Variants in ST8SIA6 observed in about 807,000 individuals in gnomAD.
The protein encoded by ST8SIA6 is alpha-2,8-sialyltransferase 8F.
Under a neutral mutation model 33.6 loss-of-function variants are expected in ST8SIA6, and 39 were observed. The observed-to-expected ratio is 1.16, with a 90% CI of 0.90 to 1.52. The LOEUF (loss-of-function observed/expected upper bound fraction) is 1.52, where lower values mean the gene tolerates loss of function less well. Among genes scored for constraint, ST8SIA6 ranks in the 40% most tolerant of loss-of-function variants. ST8SIA6 has a pLI of 0.00. For missense variants in ST8SIA6, 441 were observed against 443.8 expected (o/e 0.99, Z 0.06); for synonymous variants, 172 against 167.2 (o/e 1.03, Z -0.22).
chr10:17,441,583 A>G (rs1852496433), intron 2 of ST8SIA6, among the ~76,000 whole-genome samples: 2 of 152,146 alleles, frequency 1.3e-5, no homozygotes, highest in South Asian at 4.1e-4. Flanking sequence ...TGCTGGGATT[A>G]CAGGCGTGCA....
At chr10:17,447,662 T>G (rs1852768256) in intron 2 of ST8SIA6, among the ~76,000 whole-genome samples, 1 of 152,110 alleles carries the variant, frequency 6.6e-6, no homozygotes, top group African/African-American at 2.4e-5. Context: ...ATCTAAATAG[T>G]ACTAGGTTGT....
rs575840143 is a variant in ST8SIA6 at position 17,332,401 on chromosome 10, C to T, written c.378-849G>A. Among the ~76,000 whole-genome samples, 29 of 152,296 alleles carry T rather than the reference C, an allele frequency of 1.9e-4. No homozygotes were observed. In the Middle Eastern group the frequency reaches 0.014, roughly 71 times the overall value. On this transcript the variant is annotated intron_variant, in intron 4 of 7. Coordinates refer to ENST00000377602, the MANE Select transcript of ST8SIA6 (RefSeq NM_001004470.3). ...TCCACAATGGTTGAACTAATTTACA[C>T]TCCCACCAACAGTGTAAAAGCATTC...
chr10:17,442,751 T>C (rs1390512296), intron 2 of ST8SIA6, among the ~76,000 whole-genome samples: 1 of 152,198 alleles, frequency 6.6e-6, no homozygotes, highest in Non-Finnish European at 1.5e-5. Context: ...ACTCTGCAGG[T>C]TTAAATCATC....
intron 2 of ST8SIA6, among the ~76,000 whole-genome samples, chr10:17,446,049 A>T (rs866287806): frequency 6.6e-6 from 1 of 151,752 alleles, no homozygotes; most frequent in African/African-American, 2.4e-5. Context: ...AAAAAAAAAA[A>T]CTCAAACTTT....
intron 4 of ST8SIA6, among the ~76,000 whole-genome samples, chr10:17,342,257 A>C (rs1376992111): frequency 6.6e-6 from 1 of 152,178 alleles, no homozygotes; most frequent in Non-Finnish European, 1.5e-5. Flanking sequence ...GCCCTCTGGG[A>C]GCTTACGTGT....
chr10:17,328,178 A>T (rs1435564984), intron 5 of ST8SIA6, among the ~76,000 whole-genome samples: 5 of 152,222 alleles, frequency 3.3e-5, no homozygotes, highest in Non-Finnish European at 7.3e-5. Flanking sequence ...ATTCTAAGGC[A>T]TAAAATTAAT....
intron 2 of ST8SIA6, among the ~76,000 whole-genome samples, chr10:17,431,568 G>T (rs991343172): frequency 1.3e-5 from 2 of 152,042 alleles, no homozygotes; most frequent in Non-Finnish European, 2.9e-5. Flanking sequence ...CGCAGAGCCC[G>T]CTGGAAAAAC....
rs1250779817 is a variant in ST8SIA6, at chr10:17,317,285, G to A, written c.*3593C>T. 6.6e-6 allele frequency among the ~76,000 whole-genome samples: 1 copy of A among 152,130 alleles called. No homozygotes were observed. Among genetic ancestry groups the A allele is most frequent in the Non-Finnish European group, 1.5e-5 (1 of 68,012 alleles). ...TAAAAAGAAGAATGCTTCTGGAAGA[G>A]TGATGACCCAAAATAAGAAAGACCA... On this transcript the variant is annotated 3_prime_UTR_variant, in exon 8 of 8. Transcript: ENST00000377602.
At chr10:17,395,525 T>G (rs1267913912) in intron 2 of ST8SIA6, among the ~76,000 whole-genome samples, 1 of 152,170 alleles carries the variant, frequency 6.6e-6, no homozygotes, top group African/African-American at 2.4e-5. Flanking sequence ...GAATTCTGTT[T>G]CTGTGAATTC....
At chr10:17,345,741 A>T (rs2131602081) in intron 4 of ST8SIA6, among the ~76,000 whole-genome samples, 1 of 152,264 alleles carries the variant, frequency 6.6e-6, no homozygotes, top group East Asian at 1.9e-4. Context: ...GAAGGGTCTT[A>T]TTTATGGAAG....
intron 2 of ST8SIA6, among the ~76,000 whole-genome samples, chr10:17,412,693 G>A (rs1177115899): frequency 6.7e-6 from 1 of 150,098 alleles, no homozygotes; most frequent in African/African-American, 2.4e-5. Context: ...TTACAGGAAT[G>A]GGTAAATATC....
At chr10:17,335,891 T>C (rs575578299) in intron 4 of ST8SIA6, among the ~76,000 whole-genome samples, 1 of 152,304 alleles carries the variant, frequency 6.6e-6, no homozygotes, top group South Asian at 2.1e-4. Flanking sequence ...TCAAGAATAT[T>C]GCATCACCAA....
chr10:17,398,084 T>C (rs957236238), intron 2 of ST8SIA6, among the ~76,000 whole-genome samples: 25 of 152,196 alleles, frequency 1.6e-4, no homozygotes, highest in Non-Finnish European at 3.4e-4. Flanking sequence ...CCCAGCACTT[T>C]GGGAGGCTGC....
chr10:17,393,070 G>A (rs1850675553), intron 2 of ST8SIA6, among the ~76,000 whole-genome samples: 1 of 152,202 alleles, frequency 6.6e-6, no homozygotes, highest in African/African-American at 2.4e-5. Context: ...ACAAAAAAGT[G>A]GAGGAAGGGT....
chr10:17,447,721 T>C (rs529658986), intron 2 of ST8SIA6, among the ~76,000 whole-genome samples: 2 of 152,304 alleles, frequency 1.3e-5, no homozygotes, highest in East Asian at 3.9e-4. Context: ...TAGGAAAAAG[T>C]GTATAATAAA....
At chr10:17,345,142 C>T (rs985928394) in intron 4 of ST8SIA6, among the ~76,000 whole-genome samples, 1 of 152,072 alleles carries the variant, frequency 6.6e-6, no homozygotes, top group African/African-American at 2.4e-5. Flanking sequence ...CTACTATATA[C>T]CTCTGAGGCA....
chr10:17,390,424 G>T, intron 3 of ST8SIA6, 107 bp downstream of exon 3: 1 of 952,476 alleles, frequency 1.0e-6, no homozygotes. Context: ...TGGTAAGCCT[G>T]AGAGTGAACA....
At chr10:17,396,926 A>T (rs776139052) in intron 2 of ST8SIA6, among the ~76,000 whole-genome samples, 1 of 152,210 alleles carries the variant, frequency 6.6e-6, no homozygotes, top group Non-Finnish European at 1.5e-5. Flanking sequence ...CAACTCACTT[A>T]GTACCTGGCT....
chr10:17,439,691 G>A (rs919422795), intron 2 of ST8SIA6, among the ~76,000 whole-genome samples: 2 of 152,124 alleles, frequency 1.3e-5, no homozygotes, highest in Admixed American at 6.5e-5. Flanking sequence ...TCTCCCCACC[G>A]TGTCTGTCGC....
Sources: allele counts gnomAD v4.1 joint callset (sites outside exome capture counted in the v4.1 genomes callset), GRCh38; gene constraint gnomAD v4.1.1; transcripts MANE v1.5; gene names NCBI Gene and HGNC (gene_info 2026-07-23, HGNC 2026-07-21).